The following ARHGEF16 variants were observed in gnomAD, a reference collection of about 807,000 sequenced individuals.
ARHGEF16 encodes the protein Rho guanine nucleotide exchange factor 16, also known as Rho guanine exchange factor (GEF) 16.
A neutral mutation model predicts 74.1 loss-of-function variants in ARHGEF16; 59 were observed. That is an observed-to-expected ratio of 0.80 (90% CI 0.65 to 0.99). ARHGEF16 has a LOEUF of 0.99. ARHGEF16 is among the 50% of genes least tolerant of loss of function. ARHGEF16 has a pLI of 0.00. For missense variants in ARHGEF16, 948 were observed against 986.6 expected (o/e 0.96, Z 0.52); for synonymous variants, 415 against 412.6 (o/e 1.01, Z -0.07).
At chr1:3,471,083 G>A (rs562018604) in intron 6 of ARHGEF16, among the ~76,000 whole-genome samples, 117 of 140,186 alleles carry the variant, frequency 8.3e-4, no homozygotes, top group African/African-American at 3.0e-3. Context: ...TGCATGGGCA[G>A]GGGTGTGTGT....
In ARHGEF16 at chr1:3,480,451, G is replaced by T. The variant is rs1640024652; in HGVS notation, c.1994G>T (p.Trp665Leu). The T allele has an allele frequency of 6.2e-7, 1 of 1,612,498 alleles. No individual in the cohort carries two copies. Among genetic ancestry groups the T allele is most frequent in the African/African-American group, 1.3e-5 (1 of 75,078 alleles). The change falls in exon 15 of 15, where the codon TGG (tryptophan) becomes TTG (leucine). Residue 665 changes from tryptophan (W) to leucine (L), a missense_variant. Physicochemically the swap from Trp to Leu is moderately conservative, Grantham distance 61. Transcript: ENST00000378378. ...VVLVLQQEDG[W>L]LYGERLRDGE... ...TCCCACCCCTATCCGGGTTCAGGGT[G>T]GCTCTATGGCGAGAGGCTCCGGGAC...
At chr1:3,478,298 C>G in intron 11 of ARHGEF16, 126 bp from the exon 12 acceptor site, 1 of 1,136,904 alleles carries the variant, frequency 8.8e-7, no homozygotes. Flanking sequence ...CGCGGGAACT[C>G]TTGGAGCCCG....
chr1:3,476,140 A>C, intron 10 of ARHGEF16, 78 bp downstream of exon 10: 1 of 1,439,370 alleles, frequency 6.9e-7, no homozygotes, highest in Non-Finnish European at 9.4e-7. Context: ...GTGAGGTCAC[A>C]CCCCTGAGCC....
intron 6 of ARHGEF16, among the ~76,000 whole-genome samples, 200 bp downstream of exon 6, chr1:3,469,793 G>A (rs748465999): frequency 3.3e-5 from 5 of 152,106 alleles, no homozygotes; most frequent in African/African-American, 7.2e-5. Flanking sequence ...CCCCAGGGCC[G>A]GGCTAAGCAC....
At chr1:3,470,780 C>T (rs1274114686) in intron 6 of ARHGEF16, among the ~76,000 whole-genome samples, 1 of 126,464 alleles carries the variant, frequency 7.9e-6, no homozygotes, top group Non-Finnish European at 1.6e-5. Context: ...CGGGAGCATC[C>T]GGCACCCTGG....
In ARHGEF16 at chr1:3,473,030, C is replaced by T. The variant is rs557707704; in HGVS notation, c.1023-48C>T. On this transcript the variant is annotated intron_variant, in intron 6 of 14. Transcript: ENST00000378378. ...CATGTCTGTGTGTGCACACGTGGGGCCCGACCACCAGGCCCGTGGCACCCT... is the reference window on the plus strand; with the variant it reads ...CATGTCTGTGTGTGCACACGTGGGGTCCGACCACCAGGCCCGTGGCACCCT... 5.7e-5 allele frequency: 91 copies of T among 1,589,718 alleles called. 1 individual carries two copies. The Middle Eastern group carries it at 6.9e-4, about 12-fold the overall frequency.
In ARHGEF16 at chr1:3,472,811, G is replaced by A. The variant is rs966756612; in HGVS notation, c.1023-267G>A. On this transcript the variant is annotated intron_variant, in intron 6 of 14. Transcript: ENST00000378378. Reference sequence around the variant, plus strand: ...TGGGGCTGCCCCTGGACAACAGAGGGACGGCACCAGTGCGTGGGATCGTGG... The same window carrying A: ...TGGGGCTGCCCCTGGACAACAGAGGAACGGCACCAGTGCGTGGGATCGTGG... The A allele has an allele frequency of 1.5e-4, 68 of 466,960 alleles. No homozygotes were observed. The Middle Eastern group carries it at 1.7e-3, about 12-fold the overall frequency. The allele number at this position is 466,960 out of a possible 1,614,324, so 28.9% of individuals were successfully genotyped here. A position where few individuals can be genotyped will look rare whatever the true frequency, so the allele number is the denominator to read the frequency against.
At chr1:3,458,995 A>T (rs1639329378) in intron 1 of ARHGEF16, among the ~76,000 whole-genome samples, 1 of 152,196 alleles carries the variant, frequency 6.6e-6, no homozygotes, top group African/African-American at 2.4e-5. Context: ...AGGAGAAAAC[A>T]CCAGAGCTTA....
Position 3,473,500 on chromosome 1 carries a change from C to T in ARHGEF16, c.1283C>T (p.Thr428Ile). 6.2e-7 allele frequency: 1 copy of T among 1,610,354 alleles called. No individual in the cohort carries two copies. Among genetic ancestry groups the T allele is most frequent in the Non-Finnish European group, 8.5e-7 (1 of 1,180,004 alleles). ...SFLILPMQRV[T>I]RLPLLMDTLC... ...CTGATCCTCCCCATGCAGCGGGTGA[C>T]CCGGCTGCCCCTCCTGATGGATGTA... The change falls in exon 8 of 15, where the codon ACC (threonine) becomes ATC (isoleucine). Residue 428 changes from threonine (T) to isoleucine (I), a missense_variant. Coordinates refer to ENST00000378378, the MANE Select transcript of ARHGEF16 (RefSeq NM_014448.4).
intron 6 of ARHGEF16, among the ~76,000 whole-genome samples, chr1:3,472,442 C>G (rs1035720286): frequency 8.8e-6 from 1 of 113,778 alleles, no homozygotes; most frequent in African/African-American, 4.5e-5. Context: ...CACAGCTGGC[C>G]CCCCCCCGGC....
intron 4 of ARHGEF16, among the ~76,000 whole-genome samples, chr1:3,468,260 TGGC>T (rs995023470): frequency 2.6e-5 from 4 of 152,214 alleles, no homozygotes; most frequent in African/African-American, 9.6e-5. Context: ...CAGGCGCTGT[TGGC>T]GGCCTTTCTG....
intron 10 of ARHGEF16, among the ~76,000 whole-genome samples, chr1:3,477,347 C>CCCATCACCCCACACTACCCACCCCCA (rs1557697965): frequency 2.1e-4 from 2 of 9,562 alleles, no homozygotes; most frequent in South Asian, 3.1e-3. Flanking sequence ...ACTGCCCACC[C>CCCATCACCCCACACTACCCACCCCCA]TCTGGCCTTT....
chr1:3,472,548 T>G (rs1639756369), intron 6 of ARHGEF16, among the ~76,000 whole-genome samples: 1 of 152,236 alleles, frequency 6.6e-6, no homozygotes, highest in Non-Finnish European at 1.5e-5. Flanking sequence ...GCCTCGGATT[T>G]GGGACTCATC....
At chr1:3,458,818 A>G (rs1468811111) in intron 1 of ARHGEF16, among the ~76,000 whole-genome samples, 1 of 152,210 alleles carries the variant, frequency 6.6e-6, no homozygotes, top group African/African-American at 2.4e-5. Flanking sequence ...CTTCCTCTCT[A>G]AGACAATAGA....
Position 3,463,243 on chromosome 1 carries a change from G to T in ARHGEF16, c.159G>T (p.Gln53His). 1.3e-6 allele frequency: 2 copies of T among 1,548,132 alleles called. No individual in the cohort carries two copies. The highest frequency in any genetic ancestry group is 1.7e-6 in the Non-Finnish European group (2 of 1,145,360). ...RVRDDAAFQP[Q>H]VPAPPQPRPP... is the part of the protein sequence containing the mutation. Reference sequence around the variant, plus strand: ...GAGACGATGCCGCCTTCCAGCCCCAGGTCCCGGCACCCCCACAGCCTCGGC... The same window carrying T: ...GAGACGATGCCGCCTTCCAGCCCCATGTCCCGGCACCCCCACAGCCTCGGC... The change falls in exon 2 of 15, where the codon CAG becomes CAT. Residue 53 changes from glutamine (Q) to histidine (H), a missense_variant. By Grantham distance (24) the Gln-to-His change is conservative. Coordinates refer to ENST00000378378, the MANE Select transcript of ARHGEF16 (RefSeq NM_014448.4).
intron 1 of ARHGEF16, among the ~76,000 whole-genome samples, chr1:3,457,493 G>T: frequency 6.6e-6 from 1 of 152,242 alleles, no homozygotes. Context: ...CGCTGGCTGG[G>T]AGATTGTACT....
At chr1:3,472,752 A>G in intron 6 of ARHGEF16, 1 of 254,654 alleles carries the variant, frequency 3.9e-6, no homozygotes, top group Non-Finnish European at 7.5e-6. Flanking sequence ...CCAGGACAGG[A>G]GGTCCAAATG....
rs977366185 is a variant in ARHGEF16 at position 3,474,867 on chromosome 1, G to T, written c.1380+85G>T. ...CAACCCCACCCTACCCGATGGCATA[G>T]GGCTGGCTTCCCCTACCTTCCAGGG... On this transcript the variant is annotated intron_variant, in intron 9 of 14. Transcript: ENST00000378378. 4 of 1,215,392 alleles carry T rather than the reference G, an allele frequency of 3.3e-6. No individual in the cohort carries two copies. The African/African-American group carries it at 6.5e-5, about 20-fold the overall frequency. 75.3% of individuals were successfully genotyped at this position (1,215,392 alleles called of 1,614,324 possible).
At chr1:3,472,917 C>A in intron 6 of ARHGEF16, 161 bp from the exon 7 acceptor site, 1 of 279,168 alleles carries the variant, frequency 3.6e-6, no homozygotes, top group Non-Finnish European at 6.7e-6. Flanking sequence ...AGGTCCGGGT[C>A]CCGCCCCAAG....
Sources: gnomAD v4.1 joint callset for allele counts (sites outside exome capture counted in the v4.1 genomes callset) on GRCh38, gnomAD v4.1.1 for gene constraint, MANE v1.5 for transcripts, NCBI Gene and HGNC (gene_info 2026-07-23, HGNC 2026-07-21) for gene names.